The following PPP2R3C variants were observed in gnomAD, a reference collection of about 807,000 sequenced individuals.
PPP2R3C encodes protein phosphatase 2 regulatory subunit B''gamma, also known as serine/threonine-protein phosphatase 2A regulatory subunit B'' subunit gamma.
A neutral mutation model predicts 63.7 loss-of-function variants in PPP2R3C; 47 were observed. That is an observed-to-expected ratio of 0.74 (90% CI 0.58 to 0.94). PPP2R3C has a LOEUF of 0.94. Among genes scored for constraint, PPP2R3C ranks in the 40% least tolerant of loss-of-function variants. The pLI is 0.00. For synonymous variants in PPP2R3C, 180 were observed against 177.4 expected (o/e 1.01, Z -0.12); for missense variants, 421 against 518.4 (o/e 0.81, Z 1.82).
chr14:35,107,495 C>A (rs914889489), intron 5 of PPP2R3C, 121 bp from the exon 6 acceptor site: 3 of 755,914 alleles, frequency 4.0e-6, no homozygotes, highest in African/African-American at 3.5e-5. Context: ...TTTCTTCTCA[C>A]CACAAAATTG....
In PPP2R3C at chr14:35,121,916, T is replaced by C; in HGVS notation, c.44A>G (p.Asn15Ser). ...CCAAAACTCACTGTTTGGACAGGTG[T>C]TGGGCGTCGCTAGGCGCCGACGAAG... ...EVLRRRLATP[N>S]TCPNKKKSEQ... The change falls in exon 1 of 13, where the codon AAC (asparagine) becomes AGC (serine). Residue 15 changes from asparagine to serine, a missense_variant. Asn to Ser is a conservative substitution (Grantham distance 46). This residue lies in a region of PPP2R3C where 143 missense variants were observed against 151.2 expected (regional missense o/e 0.95). Coordinates refer to ENST00000261475, the MANE Select transcript of PPP2R3C (RefSeq NM_017917.4). 1 of 1,614,130 alleles carries C rather than the reference T, an allele frequency of 6.2e-7. No individual in the cohort carries two copies. The highest frequency in any genetic ancestry group is 8.5e-7 in the Non-Finnish European group (1 of 1,180,010).
intron 6 of PPP2R3C, among the ~76,000 whole-genome samples, chr14:35,105,874 G>C (rs184628253): frequency 6.6e-6 from 1 of 151,220 alleles, no homozygotes; most frequent in African/African-American, 2.4e-5. Context: ...ATGGAGTCTC[G>C]CTCTTTCGCC....
In PPP2R3C at chr14:35,095,220, C is replaced by G. The variant is rs748786308; in HGVS notation, c.839-36G>C. On this transcript the variant is annotated intron_variant, in intron 9 of 12. Coordinates refer to ENST00000261475, the MANE Select transcript of PPP2R3C (RefSeq NM_017917.4). ...AAAATAATAAAGACACTTATGACCACAATAAAATTTTAATCAGAAGAATAG... is the reference window on the plus strand; with the variant it reads ...AAAATAATAAAGACACTTATGACCAGAATAAAATTTTAATCAGAAGAATAG... 6.3e-6 allele frequency: 10 copies of G among 1,579,208 alleles called. No individual in the cohort carries two copies. In the African/African-American group the frequency reaches 1.2e-4, roughly 19 times the overall value.
At chr14:35,119,849 CT>C (rs71121267) in intron 1 of PPP2R3C, among the ~76,000 whole-genome samples, 166 of 116,988 alleles carry the variant, frequency 1.4e-3, no homozygotes, top group Non-Finnish European at 1.5e-3. Flanking sequence ...GACAGTTCAT[CT>C]TTTTTTTTTT....
intron 7 of PPP2R3C, among the ~76,000 whole-genome samples, chr14:35,098,414 G>A (rs1489774171): frequency 1.5e-5 from 2 of 136,910 alleles, no homozygotes; most frequent in African/African-American, 5.4e-5. Flanking sequence ...ATGCAATAAC[G>A]CGATCTCGGC....
intron 2 of PPP2R3C, 80 bp downstream of exon 2, chr14:35,116,530 C>G: frequency 1.7e-6 from 2 of 1,178,436 alleles, no homozygotes; most frequent in South Asian, 1.8e-5. Flanking sequence ...GTTGGGATTA[C>G]AGGTATGAGC....
At chr14:35,087,696 G>A (rs1044944290) in intron 12 of PPP2R3C, 11 of 398,942 alleles carry the variant, frequency 2.8e-5, no homozygotes, top group African/African-American at 8.2e-5. Flanking sequence ...CACTGAGCCC[G>A]GCCCCCTGAC....
intron 10 of PPP2R3C, among the ~76,000 whole-genome samples, chr14:35,094,681 G>A (rs1379006427): frequency 6.6e-6 from 1 of 151,638 alleles, no homozygotes; most frequent in Non-Finnish European, 1.5e-5. Flanking sequence ...AATAATGCTG[G>A]GCCGAGTGTG....
intron 7 of PPP2R3C, chr14:35,099,017 A>T (rs1208396759): frequency 2.6e-6 from 1 of 388,084 alleles, no homozygotes; most frequent in Admixed American, 4.7e-5. Context: ...ATGTCCCCCC[A>T]TCTGTCACAC....
chr14:35,096,469 T>C, intron 9 of PPP2R3C, 89 bp downstream of exon 9: 1 of 1,099,712 alleles, frequency 9.1e-7, no homozygotes. Context: ...GATCTTAAGG[T>C]ATATCAGTGT....
chr14:35,097,429 G>A (rs1032389263), intron 7 of PPP2R3C, among the ~76,000 whole-genome samples: 12 of 151,792 alleles, frequency 7.9e-5, no homozygotes, highest in Non-Finnish European at 1.6e-4. Flanking sequence ...AAAGCAATAC[G>A]CAGGTAAACA....
At chr14:35,104,469 T>C (rs554157948) in intron 6 of PPP2R3C, among the ~76,000 whole-genome samples, 2 of 152,328 alleles carry the variant, frequency 1.3e-5, no homozygotes, top group East Asian at 3.9e-4. Context: ...TTTATATTCA[T>C]GCCCAACTCC....
At position 35,108,132 on chromosome 14, in the gene PPP2R3C, G is replaced by C. The variant is rs1362714327; in HGVS notation, c.502+7C>G. ...TAAGGAGTTCAAGCACAGTAAAAAT[G>C]AATCACCTTTTCTCATGACATAATT... On this transcript the variant is annotated splice_region_variant and intron_variant, in intron 5 of 12. Coordinates refer to ENST00000261475, the MANE Select transcript of PPP2R3C (RefSeq NM_017917.4). 2.5e-6 allele frequency: 4 copies of C among 1,607,416 alleles called. No homozygotes were observed. The Admixed American group carries it at 6.8e-5, about 27-fold the overall frequency.
intron 5 of PPP2R3C, 47 bp downstream of exon 5, chr14:35,108,089 ACCT>A (rs755674718): frequency 6.3e-7 from 1 of 1,587,884 alleles, no homozygotes; most frequent in South Asian, 1.2e-5. Context: ...CAGACCAAAA[ACCT>A]ACTTGATTCC....
intron 1 of PPP2R3C, among the ~76,000 whole-genome samples, chr14:35,120,491 C>A (rs140820775): frequency 4.6e-5 from 7 of 151,980 alleles, no homozygotes; most frequent in African/African-American, 9.6e-5. Context: ...GTGATCCGCC[C>A]GCCTCGGCCT....
intron 2 of PPP2R3C, among the ~76,000 whole-genome samples, chr14:35,114,041 G>C (rs576426491): frequency 6.6e-6 from 1 of 152,212 alleles, no homozygotes; most frequent in African/African-American, 2.4e-5. Flanking sequence ...GGGCTCTGCA[G>C]TGCTTAGACA....
chr14:35,096,175 T>TA (rs1446984300), intron 9 of PPP2R3C, among the ~76,000 whole-genome samples: 2 of 100,396 alleles, frequency 2.0e-5, no homozygotes, highest in African/African-American at 3.9e-5. Context: ...ATCCCATCTC[T>TA]AAAAAAACAT....
rs577021050 is a variant in PPP2R3C at position 35,087,007 on chromosome 14, A to G, written c.1173+944T>C. ...TTTTTTTTGCTAACCGTTCAACTCA[A>G]TTAAACATCTAAATGTTTCAGAGAT... On this transcript the variant is annotated intron_variant, in intron 12 of 12. Coordinates refer to ENST00000261475, the MANE Select transcript of PPP2R3C (RefSeq NM_017917.4). The G allele has an allele frequency of 5.9e-5, 9 of 152,302 alleles. No individual in the cohort carries two copies. In the South Asian group the frequency reaches 8.3e-4, roughly 14 times the overall value. The allele number at this position is 152,302 out of a possible 1,614,324, so 9.4% of individuals were successfully genotyped here. A position where few individuals can be genotyped will look rare whatever the true frequency, so the allele number is the denominator to read the frequency against.
At chr14:35,103,447 C>T (rs765296759) in intron 6 of PPP2R3C, among the ~76,000 whole-genome samples, 2 of 152,154 alleles carry the variant, frequency 1.3e-5, no homozygotes, top group Non-Finnish European at 2.9e-5. Context: ...TACCTAAAAT[C>T]GTCTGTCAAT....
Sources: allele counts gnomAD v4.1 joint callset (sites outside exome capture counted in the v4.1 genomes callset), GRCh38; gene constraint gnomAD v4.1.1; regional missense constraint gnomAD v4.1.1; transcripts MANE v1.5; gene names NCBI Gene and HGNC (gene_info 2026-07-23, HGNC 2026-07-21).